The following CA12 variants were observed in gnomAD, a reference collection of about 807,000 sequenced individuals.
The protein encoded by CA12 is carbonic anhydrase 12.
CA12 carries 36 observed loss-of-function variants against 46.8 expected under a neutral mutation model. That is an observed-to-expected ratio of 0.77 (90% confidence interval 0.59 to 1.02). The LOEUF (loss-of-function observed/expected upper bound fraction) is 1.02, where lower values mean the gene tolerates loss of function less well. Among genes scored for constraint, CA12 ranks in the 50% least tolerant of loss-of-function variants. CA12 has a pLI of 0.00. For missense variants in CA12, 436 were observed against 451.4 expected, an observed-to-expected ratio of 0.97 and a Z score of 0.31; for synonymous variants, 202 against 187.0, an observed-to-expected ratio of 1.08 and a Z score of -0.65.
chr15:63,364,350 A>AAAC (rs2039411775), intron 2 of CA12, among the ~76,000 whole-genome samples: 1 of 149,620 alleles, frequency 6.7e-6, no homozygotes, highest in African/African-American at 2.4e-5. Context: ...AAAAAAAAAA[A>AAAC]AAAAACAGTG....
At chr15:63,333,975 G>T (rs970490722) in intron 8 of CA12, among the ~76,000 whole-genome samples, 9 of 152,160 alleles carry the variant, frequency 5.9e-5, no homozygotes, top group Non-Finnish European at 2.9e-5. Context: ...ATGGGCTCTT[G>T]CTTCATTACC....
Position 63,324,755 on chromosome 15 carries a change from CT to C in CA12, c.*1529del, listed in dbSNP as rs1173597777. 6.7e-6 allele frequency: 1 copy of C among 148,308 alleles called. No individual in the cohort carries two copies. Among genetic ancestry groups the C allele is most frequent in the African/African-American group, 2.5e-5 (1 of 39,924 alleles). 9.2% of individuals were successfully genotyped at this position (148,308 alleles called of 1,614,324 possible). ...CCAGGCTAGAGTGCAGTGGCATGACCTTGGCTTACTGCAACCTCCGCCTCCT... is the reference window on the plus strand; with the variant it reads ...CCAGGCTAGAGTGCAGTGGCATGACCTGGCTTACTGCAACCTCCGCCTCCT... On this transcript the variant is annotated 3_prime_UTR_variant, in exon 11 of 11. Transcript: ENST00000178638.
chr15:63,343,500 C>T (rs1225422085), intron 4 of CA12, among the ~76,000 whole-genome samples: 2 of 151,782 alleles, frequency 1.3e-5, no homozygotes, highest in Non-Finnish European at 2.9e-5. Context: ...AGGCTGGTCT[C>T]GAACTCCTGA....
chr15:63,324,976 T>C lies in CA12; in HGVS notation c.*1309A>G, dbSNP rs893719423. On this transcript the variant is annotated 3_prime_UTR_variant, in exon 11 of 11. Coordinates refer to ENST00000178638, the MANE Select transcript of CA12 (RefSeq NM_001218.5). Reference sequence around the variant, plus strand: ...CCTTCTCAGTCATGGCACTGACTCATCTCCACAGGGTTCTCACCTGCGGGA... The same window carrying C: ...CCTTCTCAGTCATGGCACTGACTCACCTCCACAGGGTTCTCACCTGCGGGA... 2.0e-5 allele frequency: 3 copies of C among 152,164 alleles called. No homozygotes were observed. The highest frequency in any genetic ancestry group is 4.4e-5 in the Non-Finnish European group (3 of 68,040). The allele number at this position is 152,164 out of a possible 1,614,324, so 9.4% of individuals were successfully genotyped here.
Position 63,378,602 on chromosome 15 carries a change from A to G in CA12, c.86-2924T>C, listed in dbSNP as rs541625452. 6.6e-6 allele frequency among the ~76,000 whole-genome samples: 1 copy of G among 151,572 alleles called. No homozygotes were observed. The highest frequency in any genetic ancestry group is 2.0e-4 in the East Asian group (1 of 4,930). ...TTACTGCTCACCCCTTTGCTGAAAC[A>G]ACAATGAAAAAAAATAAAGAAAGCA... On this transcript the variant is annotated intron_variant, in intron 1 of 10. Transcript: ENST00000178638. The surrounding 1 kb of genome is among the most constrained non-coding windows in gnomAD (Gnocchi z 4.8).
chr15:63,334,242 C>CTTT (rs71131163), intron 8 of CA12, among the ~76,000 whole-genome samples: 2,053 of 64,878 alleles, frequency 0.032, 333 homozygotes, highest in East Asian at 0.14. Flanking sequence ...GGAAGAGGCA[C>CTTT]TTTTTTTTTT....
chr15:63,358,806 C>T (rs774066205), intron 2 of CA12, among the ~76,000 whole-genome samples: 11 of 152,140 alleles, frequency 7.2e-5, no homozygotes, highest in Non-Finnish European at 1.5e-4. Flanking sequence ...TGTGCATACC[C>T]GCATCTGTGT....
chr15:63,331,033 C>T lies in CA12; in HGVS notation c.875-2903G>A, dbSNP rs184270012. 6.6e-6 allele frequency among the ~76,000 whole-genome samples: 1 copy of T among 152,354 alleles called. No homozygotes were observed. The highest frequency in any genetic ancestry group is 1.5e-5 in the Non-Finnish European group (1 of 68,032). ...GGAAGAGGAATGCCGGCGAGGGTGT[C>T]ACCCGATAGTTCCACCACCTCAGGA... On this transcript the variant is annotated intron_variant, in intron 8 of 10. Coordinates refer to ENST00000178638, the MANE Select transcript of CA12 (RefSeq NM_001218.5). This position sits in a 1 kb window ranked among gnomAD's most constrained non-coding sequence, Gnocchi z 5.3.
chr15:63,346,589 A>C lies in CA12; in HGVS notation c.227T>G (p.Phe76Cys), dbSNP rs1158452819. 6.2e-7 allele frequency: 1 copy of C among 1,614,026 alleles called. No individual in the cohort carries two copies. The highest frequency in any genetic ancestry group is 1.1e-5 in the South Asian group (1 of 91,060). The change falls in exon 3 of 11, where the codon TTC becomes TGC. Residue 76 changes from phenylalanine (F) to cysteine (C), a missense_variant. Transcript: ENST00000178638. Reference protein sequence around the residue: ...QYDASLTPLEFQGYNLSANKQ... With the variant: ...QYDASLTPLECQGYNLSANKQ... ...GTTGGCAGACAGATTGTAGCCTTGG[A>C]ACTCGAGGGGCGTGAGGCTGGCGTC...
rs2038844975 is a variant in CA12 at position 63,324,834 on chromosome 15, A to G, written c.*1451T>C. 1 of 151,962 alleles carries G rather than the reference A, an allele frequency of 6.6e-6. No individual in the cohort carries two copies. Among genetic ancestry groups the G allele is most frequent in the African/African-American group, 2.4e-5 (1 of 41,344 alleles). The allele number at this position is 151,962 out of a possible 1,614,324, so 9.4% of individuals were successfully genotyped here. A position where few individuals can be genotyped will look rare whatever the true frequency, so the allele number is the denominator to read the frequency against. ...TTCTTAGAGTCAGAGGGAGGAGTAG[A>G]AGGAAAAAGATATTTAAAAAGCTAT... On this transcript the variant is annotated 3_prime_UTR_variant, in exon 11 of 11. Transcript: ENST00000178638.
At chr15:63,361,076 G>A (rs2039356946) in intron 2 of CA12, among the ~76,000 whole-genome samples, 1 of 152,184 alleles carries the variant, frequency 6.6e-6, no homozygotes, top group Non-Finnish European at 1.5e-5. Flanking sequence ...GGGGTGGGGG[G>A]ATTCATAAGC....
rs889677998 is a variant in CA12 at position 63,373,886 on chromosome 15, G to A, written c.106+1772C>T. ...TCCATGCCTGTCACCTCCTACACAC[G>A]GAACCTGCCCAAGGGGCCCTGTGGC... On this transcript the variant is annotated intron_variant, in intron 2 of 10. Coordinates refer to ENST00000178638, the MANE Select transcript of CA12 (RefSeq NM_001218.5). This position sits in a 1 kb window ranked among gnomAD's most constrained non-coding sequence, Gnocchi z 4.9. Among the ~76,000 whole-genome samples the A allele has an allele frequency of 1.3e-5, 2 of 152,132 alleles. No individual in the cohort carries two copies. Among genetic ancestry groups the A allele is most frequent in the Admixed American group, 6.5e-5 (1 of 15,280 alleles).
chr15:63,378,070 A>G lies in CA12; in HGVS notation c.86-2392T>C, dbSNP rs2039599729. On this transcript the variant is annotated intron_variant, in intron 1 of 10. Transcript: ENST00000178638. The surrounding 1 kb of genome is among the most constrained non-coding windows in gnomAD (Gnocchi z 4.8). ...AGACCCCCTGGAGTATCCGATGAGT[A>G]TTATGGACCTCTCCCAGTAAAAATT... Among the ~76,000 whole-genome samples, 1 of 152,182 alleles carries G rather than the reference A, an allele frequency of 6.6e-6. No homozygotes were observed. The highest frequency in any genetic ancestry group is 1.5e-5 in the Non-Finnish European group (1 of 68,016).
At chr15:63,362,818 C>T (rs74568765) in intron 2 of CA12, among the ~76,000 whole-genome samples, 6,731 of 152,192 alleles carry the variant, frequency 0.044, 367 homozygotes, top group African/African-American at 0.12. Flanking sequence ...TTTGCTTTTT[C>T]ATAGTTCTTC....
intron 4 of CA12, among the ~76,000 whole-genome samples, chr15:63,342,729 G>A (rs565635733): frequency 2.6e-4 from 40 of 152,284 alleles, no homozygotes; most frequent in East Asian, 5.8e-4. Flanking sequence ...CCATTCAGAT[G>A]GCAGGTGGGT....
chr15:63,338,551 C>T (rs2039032723), intron 8 of CA12, among the ~76,000 whole-genome samples: 2 of 152,158 alleles, frequency 1.3e-5, no homozygotes, highest in South Asian at 2.1e-4. Context: ...TCTCTCTTAC[C>T]CATCTGTGCA....
intron 2 of CA12, among the ~76,000 whole-genome samples, chr15:63,356,565 C>G (rs1274081624): frequency 8.9e-6 from 1 of 112,426 alleles, no homozygotes; most frequent in African/African-American, 3.5e-5. Flanking sequence ...GCTCTGTTGC[C>G]CAAGCTGGAA....
rs914065665 is a variant in CA12 at position 63,373,634 on chromosome 15, T to A, written c.106+2024A>T. On this transcript the variant is annotated intron_variant, in intron 2 of 10. Transcript: ENST00000178638. This position sits in a 1 kb window ranked among gnomAD's most constrained non-coding sequence, Gnocchi z 4.9. ...GGGAGTGCGTTAAGAATACAGGTTT[T>A]TCAGGCTCCCTCCCTTTCCCAGGTC... is the stretch of plus-strand genomic sequence containing the variant. 1.3e-5 allele frequency among the ~76,000 whole-genome samples: 2 copies of A among 152,292 alleles called. No individual in the cohort carries two copies. The highest frequency in any genetic ancestry group is 4.8e-5 in the African/African-American group (2 of 41,568).
intron 2 of CA12, among the ~76,000 whole-genome samples, chr15:63,357,340 T>C (rs2039307718): frequency 1.3e-5 from 2 of 152,170 alleles, no homozygotes; most frequent in African/African-American, 2.4e-5. Flanking sequence ...TCCCAGGTGA[T>C]GCTGCTGCTG....
Sources: gnomAD v4.1 joint callset for allele counts (sites outside exome capture counted in the v4.1 genomes callset) on GRCh38, gnomAD v4.1.1 for gene constraint, Gnocchi (gnomAD v3.1) non-coding constraint, MANE v1.5 for transcripts, NCBI Gene and HGNC (gene_info 2026-07-23, HGNC 2026-07-21) for gene names.